The following KIF16B variants were observed in gnomAD, a reference collection of about 807,000 sequenced individuals.
KIF16B encodes kinesin-like protein KIF16B.
Under a neutral mutation model 156.3 loss-of-function variants are expected in KIF16B, and 98 were observed. That is an observed-to-expected ratio of 0.63 (90% CI 0.53 to 0.74). KIF16B has a LOEUF of 0.74. Ranked by LOEUF, KIF16B falls within the 30% of genes least tolerant of loss-of-function variation. The pLI is 0.00. For missense variants in KIF16B, 1,421 were observed against 1,606.5 expected (o/e 0.88, Z 1.97); for synonymous variants, 564 against 583.7 (o/e 0.97, Z 0.49).
rs192536815 is a variant in KIF16B at position 16,430,873 on chromosome 20, C to A, written c.1303-891G>T. Among the ~76,000 whole-genome samples the A allele has an allele frequency of 2.0e-3, 301 of 148,076 alleles. 4 individuals are homozygous for A. The highest frequency in any genetic ancestry group is 2.6e-3 in the Non-Finnish European group (178 of 67,672). On this transcript the variant is annotated intron_variant, in intron 12 of 25. Transcript: ENST00000354981. ...TGTATATATATATATATATGTACACCAACCCAACTCAGTTTAGCTATGGAG... is the reference window on the plus strand; with the variant it reads ...TGTATATATATATATATATGTACACAAACCCAACTCAGTTTAGCTATGGAG...
chr20:16,393,383 A>G (rs2065417044), intron 17 of KIF16B, among the ~76,000 whole-genome samples: 1 of 152,212 alleles, frequency 6.6e-6, no homozygotes, highest in Non-Finnish European at 1.5e-5. Context: ...GCTTCTATCA[A>G]TCTGTGGTTC....
At position 16,306,099 on chromosome 20, in the gene KIF16B, T is replaced by C. The variant is rs982662321; in HGVS notation, c.3795+6236A>G. Among the ~76,000 whole-genome samples, 7 of 152,342 alleles carry C rather than the reference T, an allele frequency of 4.6e-5. 1 individual carries two copies. The highest frequency in any genetic ancestry group is 1.3e-4 in the Admixed American group (2 of 15,294). The stretch of plus-strand genomic sequence containing the variant: ...CCAAATTACCTAATACAAGTCCAAA[T>C]TCTTAATAACTTCCTTTTAATACCT... On this transcript the variant is annotated intron_variant, in intron 25 of 25. Coordinates refer to ENST00000354981, the MANE Select transcript of KIF16B (RefSeq NM_024704.5).
chr20:16,439,933 T>C (rs1316390734), intron 12 of KIF16B, among the ~76,000 whole-genome samples: 2 of 152,110 alleles, frequency 1.3e-5, no homozygotes, highest in East Asian at 3.9e-4. Flanking sequence ...AAGATGAGAT[T>C]TGGGTGGAGA....
At chr20:16,367,960 A>T in intron 22 of KIF16B, 1 of 1,441,962 alleles carries the variant, frequency 6.9e-7, no homozygotes, top group South Asian at 1.5e-5. Flanking sequence ...AGCATGAAAA[A>T]TGCTCATTGA....
chr20:16,472,861 GTTTGT>G (rs952391055), intron 12 of KIF16B, among the ~76,000 whole-genome samples: 5 of 152,062 alleles, frequency 3.3e-5, no homozygotes, highest in African/African-American at 1.2e-4. Context: ...AGAGCATACC[GTTTGT>G]TTTGAGTTAA....
chr20:16,316,339 C>G (rs554771944), intron 24 of KIF16B, among the ~76,000 whole-genome samples: 1 of 152,076 alleles, frequency 6.6e-6, no homozygotes, highest in African/African-American at 2.4e-5. Flanking sequence ...AAAAGTAAAA[C>G]AAAAACTAGA....
At chr20:16,396,498 AAATAT>A (rs1270026501) in intron 17 of KIF16B, among the ~76,000 whole-genome samples, 1 of 151,882 alleles carries the variant, frequency 6.6e-6, no homozygotes, top group African/African-American at 2.4e-5. Flanking sequence ...AAAAGATATA[AAATAT>A]AAATATATAT....
chr20:16,461,111 G>A (rs191743224), intron 12 of KIF16B, among the ~76,000 whole-genome samples: 120 of 151,884 alleles, frequency 7.9e-4, no homozygotes, highest in Admixed American at 2.1e-3. Context: ...ACATGCAGAC[G>A]TTAATATTTT....
chr20:16,432,037 G>A (rs2066517288), intron 12 of KIF16B, among the ~76,000 whole-genome samples: 1 of 151,866 alleles, frequency 6.6e-6, no homozygotes, highest in African/African-American at 2.4e-5. Context: ...ATGAATGAGT[G>A]AGTAGACACA....
intron 1 of KIF16B, among the ~76,000 whole-genome samples, chr20:16,535,735 G>GAA (rs34353693): frequency 1.3e-5 from 2 of 151,924 alleles, no homozygotes; most frequent in Non-Finnish European, 2.9e-5. Flanking sequence ...ACAGATATAT[G>GAA]AAAAAAATGC....
At chr20:16,509,167 T>C (rs2068880497) in intron 6 of KIF16B, among the ~76,000 whole-genome samples, 1 of 152,204 alleles carries the variant, frequency 6.6e-6, no homozygotes, top group African/African-American at 2.4e-5. Context: ...AGTTAAGGTG[T>C]TTCCTCATTC....
rs2065587921 is a variant in KIF16B at position 16,399,198 on chromosome 20, A to C, written c.1784+5615T>G. Among the ~76,000 whole-genome samples, 3 of 152,146 alleles carry C rather than the reference A, an allele frequency of 2.0e-5. No individual in the cohort carries two copies. The South Asian group carries it at 6.2e-4, about 32-fold the overall frequency. On this transcript the variant is annotated intron_variant, in intron 17 of 25. Transcript: ENST00000354981. ...GGCTTGGTCACCTGCTGAAGCTACAAGACTGCTCACAGGGCTTGGTGACTA... is the reference window on the plus strand; with the variant it reads ...GGCTTGGTCACCTGCTGAAGCTACACGACTGCTCACAGGGCTTGGTGACTA...
intron 3 of KIF16B, among the ~76,000 whole-genome samples, chr20:16,524,929 G>A (rs1321533608): frequency 6.6e-6 from 1 of 152,134 alleles, no homozygotes; most frequent in Non-Finnish European, 1.5e-5. Context: ...CACAGGAACA[G>A]AAAACCAAAC....
intron 1 of KIF16B, among the ~76,000 whole-genome samples, chr20:16,569,594 C>T (rs1214712376): frequency 1.3e-5 from 2 of 152,214 alleles, no homozygotes; most frequent in African/African-American, 4.8e-5. Flanking sequence ...AAACTCAATA[C>T]TCCACCACCA....
chr20:16,460,514 A>G (rs2067318210), intron 12 of KIF16B, among the ~76,000 whole-genome samples: 1 of 152,074 alleles, frequency 6.6e-6, no homozygotes, highest in Non-Finnish European at 1.5e-5. Context: ...GTGAGCGGAG[A>G]TCGCACCACT....
chr20:16,464,412 G>A (rs1033758317), intron 12 of KIF16B, among the ~76,000 whole-genome samples: 2 of 152,120 alleles, frequency 1.3e-5, no homozygotes, highest in African/African-American at 4.8e-5. Context: ...GACCCTTAAT[G>A]TATTTTTAAC....
Position 16,494,292 on chromosome 20 carries a change from T to G in KIF16B, c.1301A>C (p.Lys434Thr). The change falls in exon 12 of 26, where the codon AAA (lysine) becomes ACA (threonine). Residue 434 changes from lysine (K) to threonine (T), a missense_variant and splice_region_variant. Transcript: ENST00000354981. ...TAAACACATTTTTCTAGTCCTTACT[T>G]TCAAAATATTTTGGGTTTCATTCCA... ...NKWNETQNILKEQTLALRKEG... is the reference protein window; with the variant it reads ...NKWNETQNILTEQTLALRKEG... 6.3e-7 allele frequency: 1 copy of G among 1,591,378 alleles called. No homozygotes were observed.
chr20:16,391,290 C>T (rs2065358059), intron 17 of KIF16B, among the ~76,000 whole-genome samples: 1 of 152,078 alleles, frequency 6.6e-6, no homozygotes, highest in East Asian at 1.9e-4. Flanking sequence ...CCTGGGCAAG[C>T]TTCTCTTCTG....
chr20:16,409,373 A>G (rs999787102), intron 15 of KIF16B, among the ~76,000 whole-genome samples: 1 of 152,028 alleles, frequency 6.6e-6, no homozygotes, highest in Non-Finnish European at 1.5e-5. Flanking sequence ...AAGGCTTGAG[A>G]AGGAGGGAGA....
Sources: gnomAD v4.1 joint callset for allele counts (sites outside exome capture counted in the v4.1 genomes callset) on GRCh38, gnomAD v4.1.1 for gene constraint, MANE v1.5 for transcripts, NCBI Gene and HGNC (gene_info 2026-07-23, HGNC 2026-07-21) for gene names.